Variants in FAM178B observed in about 807,000 individuals in gnomAD.
The protein encoded by FAM178B is family with sequence similarity 178 member B.
In FAM178B, 82 loss-of-function variants were observed where a neutral mutation model predicts 91.7. The ratio of observed to expected loss-of-function variants is 0.89; its 90% CI spans 0.75 to 1.07. The LOEUF is 1.07. Among genes scored for constraint, FAM178B ranks in the 50% least tolerant of loss-of-function variants. The probability of loss-of-function intolerance (pLI) is 0.00; values close to 1 mark genes in which losing one functional copy is unlikely to be tolerated. For synonymous variants in FAM178B, 368 were observed against 359.4 expected (o/e 1.02, Z -0.27); for missense variants, 769 against 846.7 (o/e 0.91, Z 1.14).
intron 6 of FAM178B, among the ~76,000 whole-genome samples, chr2:96,958,564 C>T (rs914740928): frequency 1.3e-5 from 2 of 151,788 alleles, no homozygotes; most frequent in Admixed American, 1.3e-4. Flanking sequence ...GTGGCACACA[C>T]CTGTAAACCC....
chr2:96,969,597 C>A (rs1161392635), intron 4 of FAM178B, among the ~76,000 whole-genome samples: 1 of 152,226 alleles, frequency 6.6e-6, no homozygotes, highest in African/African-American at 2.4e-5. Context: ...CACGAGGAGG[C>A]CCCAGCTGCT....
Position 96,921,237 on chromosome 2 carries a change from C to T in FAM178B, c.1490G>A (p.Ser497Asn). The change falls in exon 12 of 17, where the codon AGC (serine) becomes AAC (asparagine). Residue 497 changes from serine to asparagine, a missense_variant. By Grantham distance (46) the Ser-to-Asn change is conservative. Coordinates refer to ENST00000490605, the MANE Select transcript of FAM178B (RefSeq NM_001122646.3). The stretch of plus-strand genomic sequence containing the variant: ...GTTGTGGTGGTGGTCAGACACCCAG[C>T]TCAGGGTGCAGCACAGTTCCTGGAG... Reference protein sequence around the residue: ...GKLQELCCTLSWVSDHHHNLL... With the variant: ...GKLQELCCTLNWVSDHHHNLL... 2 of 1,551,636 alleles carry T rather than the reference C, an allele frequency of 1.3e-6. No homozygotes were observed. Among genetic ancestry groups the T allele is most frequent in the Non-Finnish European group, 1.7e-6 (2 of 1,146,976 alleles).
intron 14 of FAM178B, among the ~76,000 whole-genome samples, chr2:96,892,641 T>A (rs2080710791): frequency 6.6e-6 from 1 of 152,186 alleles, no homozygotes; most frequent in Non-Finnish European, 1.5e-5. Flanking sequence ...CTGGCAGGAA[T>A]CACACCTCTG....
Position 96,986,545 on chromosome 2 carries a change from C to A in FAM178B, c.-232G>T. On this transcript the variant is annotated 5_prime_UTR_variant, in exon 1 of 17. Transcript: ENST00000490605. ...AACCAAGCGGCCAGCTCACAGCCGC[C>A]GCCGCCGCCAGCTGGGGAGCTCGCC... 1.9e-6 allele frequency: 1 copy of A among 526,204 alleles called. No homozygotes were observed. Among genetic ancestry groups the A allele is most frequent in the South Asian group, 2.2e-5 (1 of 45,598 alleles). 32.6% of individuals were successfully genotyped at this position (526,204 alleles called of 1,614,324 possible).
intron 9 of FAM178B, among the ~76,000 whole-genome samples, chr2:96,927,247 C>G (rs531826499): frequency 1.3e-5 from 2 of 152,202 alleles, no homozygotes; most frequent in Non-Finnish European, 2.9e-5. Context: ...CCTCCTACCC[C>G]GAGGAAGACA....
intron 12 of FAM178B, among the ~76,000 whole-genome samples, chr2:96,915,901 C>T (rs555968548): frequency 1.3e-5 from 2 of 152,280 alleles, no homozygotes; most frequent in Admixed American, 6.5e-5. Flanking sequence ...GATGGCCTTT[C>T]TTTTCCCCTA....
chr2:96,883,638 C>T (rs2080445129), intron 14 of FAM178B, among the ~76,000 whole-genome samples: 2 of 152,198 alleles, frequency 1.3e-5, no homozygotes, highest in African/African-American at 4.8e-5. Context: ...AGAACCAAGG[C>T]TGACCCAGGA....
At chr2:96,922,845 T>G (rs958866185) in intron 10 of FAM178B, among the ~76,000 whole-genome samples, 2 of 151,738 alleles carry the variant, frequency 1.3e-5, no homozygotes, top group Non-Finnish European at 2.9e-5. Flanking sequence ...GGCTAATTTT[T>G]GTAGTTTGTG....
At chr2:96,912,825 GGGCCTTGACTGCCTCCTTCCAGACCTTCT>G (rs1220369236) in intron 12 of FAM178B, among the ~76,000 whole-genome samples, 1 of 152,128 alleles carries the variant, frequency 6.6e-6, no homozygotes, top group Non-Finnish European at 1.5e-5. Flanking sequence ...CAGGTTGACT[GGGCCTTGACTGCCTCCTTCCAGACCTTCT>G]GGCCTCACCC....
At chr2:96,929,100 G>C (rs544406353) in intron 9 of FAM178B, 106 bp downstream of exon 9, 4 of 809,196 alleles carry the variant, frequency 4.9e-6, no homozygotes, top group South Asian at 1.6e-5. Flanking sequence ...GGAGGCCGCA[G>C]TGAGCTATGA....
chr2:96,962,653 T>C (rs538730362), intron 5 of FAM178B, among the ~76,000 whole-genome samples: 6 of 152,294 alleles, frequency 3.9e-5, no homozygotes, highest in African/African-American at 1.4e-4. Context: ...GATGATGTTG[T>C]GGTTTAAATA....
At chr2:96,930,426 C>T (rs1033382397) in intron 8 of FAM178B, among the ~76,000 whole-genome samples, 2 of 152,094 alleles carry the variant, frequency 1.3e-5, no homozygotes, top group Admixed American at 6.6e-5. Context: ...TTCTCTGCAC[C>T]GTGAGCTCCC....
intron 12 of FAM178B, among the ~76,000 whole-genome samples, chr2:96,906,304 C>A (rs1449539410): frequency 6.0e-5 from 9 of 150,814 alleles, no homozygotes. Context: ...TGGGTTCAAG[C>A]GATTCTCCTG....
At chr2:96,884,625 G>A (rs1232571723) in intron 14 of FAM178B, among the ~76,000 whole-genome samples, 3 of 152,182 alleles carry the variant, frequency 2.0e-5, no homozygotes, top group Non-Finnish European at 4.4e-5. Flanking sequence ...CAGGCGAAAG[G>A]GGATGCATTT....
rs563769837 is a variant in FAM178B at position 96,972,162 on chromosome 2, T to C, written c.303A>G (p.Ala101=). The stretch of plus-strand genomic sequence containing the variant: ...AGTCAGTGGGAAACGTTTCCCCAGG[T>C]GCCTGTATCTTGGGCTTCTTTGGCG... ...PTSPKKPKIQ[A]PGETFPTDWS... Residue 101 remains alanine (A), a synonymous_variant, in exon 3 of 17, where the codon GCA becomes GCG. Coordinates refer to ENST00000490605, the MANE Select transcript of FAM178B (RefSeq NM_001122646.3). The C allele has an allele frequency of 3.2e-6, 5 of 1,544,980 alleles. No individual in the cohort carries two copies. In the Admixed American group the frequency reaches 1.0e-4, roughly 31 times the overall value.
chr2:96,983,018 G>A (rs1431992454), intron 1 of FAM178B, among the ~76,000 whole-genome samples: 1 of 151,504 alleles, frequency 6.6e-6, no homozygotes, highest in Non-Finnish European at 1.5e-5. Flanking sequence ...AGCTAGGACT[G>A]CAGGCACACA....
At position 96,900,175 on chromosome 2, in the gene FAM178B, A is replaced by G. The variant is rs529130916; in HGVS notation, c.1650+2445T>C. ...CCACTCTGCGCTGGGCCTGTCCGTC[A>G]GCCTGCATCCCAGAGCCCTCCCAGG... On this transcript the variant is annotated intron_variant, in intron 13 of 16. Transcript: ENST00000490605. 3.3e-5 allele frequency among the ~76,000 whole-genome samples: 5 copies of G among 152,206 alleles called. No homozygotes were observed. In the East Asian group the frequency reaches 9.7e-4, roughly 29 times the overall value.
chr2:96,919,492 T>G (rs935191079), intron 12 of FAM178B, among the ~76,000 whole-genome samples: 1 of 152,198 alleles, frequency 6.6e-6, no homozygotes, highest in Non-Finnish European at 1.5e-5. Context: ...GAGCCAGACA[T>G]GGTCCTGGCT....
In FAM178B at chr2:96,985,160, G is replaced by C. The variant is rs150868130; in HGVS notation, c.73+1081C>G. Among the ~76,000 whole-genome samples, 112 of 152,298 alleles carry C rather than the reference G, an allele frequency of 7.4e-4. 1 individual carries two copies. The East Asian group carries it at 0.021, about 29-fold the overall frequency. ...GTCCTGACAGCGTGGGAGGGGATAT[G>C]AAGGCCCCCCAGTCAAACAGGAGAC... is the stretch of plus-strand genomic sequence containing the variant. On this transcript the variant is annotated intron_variant, in intron 1 of 16. Transcript: ENST00000490605.
Sources: gnomAD v4.1 joint callset for allele counts (sites outside exome capture counted in the v4.1 genomes callset) on GRCh38, gnomAD v4.1.1 for gene constraint, MANE v1.5 for transcripts, NCBI Gene and HGNC (gene_info 2026-07-23, HGNC 2026-07-21) for gene names.